Variants in PARP11 observed in about 807,000 individuals in gnomAD.
The protein encoded by PARP11 is protein mono-ADP-ribosyltransferase PARP11.
A neutral mutation model predicts 42.9 loss-of-function variants in PARP11; 31 were observed. The observed-to-expected ratio is 0.72, with a 90% CI of 0.54 to 0.98. The LOEUF is 0.98. Among genes scored for constraint, PARP11 ranks in the 50% least tolerant of loss-of-function variants. The pLI is 0.00. For missense variants in PARP11, 365 were observed against 413.1 expected, an observed-to-expected ratio of 0.88 and a Z score of 1.01; for synonymous variants, 137 against 127.3, an observed-to-expected ratio of 1.08 and a Z score of -0.51.
chr12:3,834,549 G>T (rs1284089433), intron 1 of PARP11, among the ~76,000 whole-genome samples: 2 of 147,802 alleles, frequency 1.4e-5, no homozygotes, highest in African/African-American at 2.5e-5. Flanking sequence ...GAAGAGAACT[G>T]ATTGAACCCA....
chr12:3,842,284 A>G, intron 1 of PARP11: 2 of 1,599,622 alleles, frequency 1.3e-6, no homozygotes, highest in Admixed American at 1.7e-5. Flanking sequence ...GAGAAGTGGT[A>G]GATCCAAGCA....
intron 1 of PARP11, chr12:3,839,480 G>A (rs11609162): frequency 6.2e-7 from 1 of 1,612,106 alleles, no homozygotes; most frequent in Non-Finnish European, 8.5e-7. Flanking sequence ...TCTCAGTCTC[G>A]CCATGTTGAA....
At chr12:3,856,343 T>C (rs1674269363) in intron 1 of PARP11, among the ~76,000 whole-genome samples, 1 of 152,008 alleles carries the variant, frequency 6.6e-6, no homozygotes, top group Admixed American at 6.6e-5. Context: ...ACCTACAGAA[T>C]GGGAAAAAAT....
chr12:3,850,003 AC>A (rs1418740335), intron 1 of PARP11, among the ~76,000 whole-genome samples: 1 of 152,106 alleles, frequency 6.6e-6, no homozygotes, highest in African/African-American at 2.4e-5. Flanking sequence ...TTAATTAAAT[AC>A]ATATCATTAT....
chr12:3,832,613 C>T (rs2138051902), intron 1 of PARP11, among the ~76,000 whole-genome samples: 1 of 152,182 alleles, frequency 6.6e-6, no homozygotes, highest in Middle Eastern at 3.4e-3. Context: ...GTTTTCTCTC[C>T]AAAGAAATGA....
At chr12:3,832,977 G>A (rs1027576363) in intron 1 of PARP11, among the ~76,000 whole-genome samples, 3 of 152,210 alleles carry the variant, frequency 2.0e-5, no homozygotes, top group African/African-American at 7.2e-5. Context: ...TATTTACAGA[G>A]CCTGGGAACA....
intron 1 of PARP11, among the ~76,000 whole-genome samples, chr12:3,836,321 A>G (rs1397483571): frequency 6.7e-6 from 1 of 148,838 alleles, no homozygotes; most frequent in Non-Finnish European, 1.5e-5. Flanking sequence ...CAAAATACAT[A>G]AAGTAAAAAA....
chr12:3,872,601 C>T (rs980278516), intron 1 of PARP11: 9 of 985,124 alleles, frequency 9.1e-6, no homozygotes, highest in Admixed American at 6.2e-5. Flanking sequence ...AACATACAGT[C>T]CATACTCCAA....
intron 1 of PARP11, among the ~76,000 whole-genome samples, chr12:3,865,961 G>T (rs1948382387): frequency 6.7e-6 from 1 of 149,056 alleles, no homozygotes; most frequent in Non-Finnish European, 1.5e-5. Context: ...AGTGCTTTTA[G>T]GATTTCATCT....
chr12:3,822,478 A>G (rs1352417642), intron 4 of PARP11, among the ~76,000 whole-genome samples: 1 of 146,768 alleles, frequency 6.8e-6, no homozygotes, highest in African/African-American at 2.6e-5. Flanking sequence ...GGGCGCCTGT[A>G]GTCCCAGCTA....
chr12:3,814,813 TAA>T (rs1947253824), intron 6 of PARP11, among the ~76,000 whole-genome samples: 1 of 152,162 alleles, frequency 6.6e-6, no homozygotes, highest in Non-Finnish European at 1.5e-5. Context: ...TATTTACATA[TAA>T]AAGTTAAAAG....
chr12:3,838,966 G>A (rs1180309087), intron 1 of PARP11, among the ~76,000 whole-genome samples: 2 of 152,268 alleles, frequency 1.3e-5, no homozygotes, highest in Admixed American at 1.3e-4. Flanking sequence ...GGCGACCCCC[G>A]GCCTGGGTCC....
rs182430236 is a variant in PARP11 at position 3,821,749 on chromosome 12, T to C, written c.548+124A>G. 12 of 1,040,424 alleles carry C rather than the reference T, an allele frequency of 1.2e-5. No individual in the cohort carries two copies. In the African/African-American group the frequency reaches 1.6e-4, roughly 14 times the overall value. 64.4% of individuals were successfully genotyped at this position (1,040,424 alleles called of 1,614,324 possible). A position where few individuals can be genotyped will look rare whatever the true frequency, so the allele number is the denominator to read the frequency against. On this transcript the variant is annotated intron_variant, in intron 6 of 7. Coordinates refer to ENST00000228820, the MANE Select transcript of PARP11 (RefSeq NM_020367.6). ...AATGCTGAAGAGCCTTGAGACCAGGTCAAAATACGGCAAGAGAAAAACAGC... is the reference window on the plus strand; with the variant it reads ...AATGCTGAAGAGCCTTGAGACCAGGCCAAAATACGGCAAGAGAAAAACAGC...
intron 6 of PARP11, among the ~76,000 whole-genome samples, chr12:3,820,332 C>CA (rs1280780192): frequency 1.3e-5 from 2 of 152,016 alleles, no homozygotes; most frequent in Non-Finnish European, 2.9e-5. Context: ...GTGAGACAGA[C>CA]AAAGTTATTT....
At chr12:3,834,909 C>T (rs966187828) in intron 1 of PARP11, among the ~76,000 whole-genome samples, 3 of 152,036 alleles carry the variant, frequency 2.0e-5, no homozygotes, top group African/African-American at 4.8e-5. Flanking sequence ...ACTGACAGAG[C>T]GGAGAAACTT....
At chr12:3,870,124 T>C (rs539209155) in intron 1 of PARP11, among the ~76,000 whole-genome samples, 2 of 152,368 alleles carry the variant, frequency 1.3e-5, no homozygotes, top group East Asian at 1.9e-4. Context: ...AGCTGACTTC[T>C]GGTAAGTGAA....
intron 1 of PARP11, chr12:3,842,460 T>C (rs1947910204): frequency 1.9e-6 from 3 of 1,607,782 alleles, no homozygotes; most frequent in Non-Finnish European, 2.6e-6. Context: ...GGCGACCATT[T>C]AGGGGAGATA....
intron 1 of PARP11, among the ~76,000 whole-genome samples, chr12:3,855,681 G>A (rs1340739499): frequency 2.0e-5 from 3 of 152,128 alleles, no homozygotes; most frequent in South Asian, 2.1e-4. Flanking sequence ...AATCAATATC[G>A]TGAAAATGGC....
At chr12:3,819,262 T>C (rs972408953) in intron 6 of PARP11, among the ~76,000 whole-genome samples, 3 of 152,234 alleles carry the variant, frequency 2.0e-5, no homozygotes, top group African/African-American at 7.2e-5. Flanking sequence ...CTCTCTTCTT[T>C]GCTCCAACAC....
Sources: allele counts gnomAD v4.1 joint callset (sites outside exome capture counted in the v4.1 genomes callset), GRCh38; gene constraint gnomAD v4.1.1; transcripts MANE v1.5; gene names NCBI Gene and HGNC (gene_info 2026-07-23, HGNC 2026-07-21).